Variants in UBE2B observed in about 807,000 individuals in gnomAD.
UBE2B encodes the protein ubiquitin conjugating enzyme E2 B.
In UBE2B, 11 loss-of-function variants were observed where a neutral mutation model predicts 24.6. The ratio of observed to expected loss-of-function variants is 0.45; its 90% CI spans 0.28 to 0.74. The LOEUF is 0.74. Among genes scored for constraint, UBE2B ranks in the 30% least tolerant of loss-of-function variants. The pLI is 0.13. For missense variants in UBE2B, 78 were observed against 185.6 expected (o/e 0.42, Z 3.37); for synonymous variants, 68 against 62.4 (o/e 1.09, Z -0.42).
chr5:134,374,008 G>A (rs1286581581), intron 1 of UBE2B, among the ~76,000 whole-genome samples: 1 of 152,158 alleles, frequency 6.6e-6, no homozygotes, highest in African/African-American at 2.4e-5. Context: ...CCAGTAATGG[G>A]ATGGCTGGGT....
At chr5:134,375,671 C>T (rs1336252771) in intron 2 of UBE2B, among the ~76,000 whole-genome samples, 1 of 151,668 alleles carries the variant, frequency 6.6e-6, no homozygotes, top group Non-Finnish European at 1.5e-5. Context: ...AGGTGGCGGG[C>T]GCCTGTAGTC....
At chr5:134,383,903 T>A (rs932620080) in intron 4 of UBE2B, among the ~76,000 whole-genome samples, 4 of 152,224 alleles carry the variant, frequency 2.6e-5, no homozygotes, top group Non-Finnish European at 5.9e-5. Context: ...AAGCTTTTAA[T>A]GTCATTTTCC....
Position 134,388,366 on chromosome 5 carries a change from C to T in UBE2B, c.283C>T (p.Arg95Ter). The change falls in exon 5 of 6, where the codon CGA becomes TGA. Residue 95 changes from arginine to a stop codon, truncating the protein, a stop_gained. Coordinates refer to ENST00000265339, the MANE Select transcript of UBE2B (RefSeq NM_003337.4). LOFTEE classifies it high-confidence loss of function. ...CATATGTTTAGATATCCTTCAGAAT[C>T]GATGGAGTCCAACATATGATGTATC... The part of the protein sequence containing the change: ...GSICLDILQN[R>*]WSPTYDVSSI... The T allele has an allele frequency of 1.2e-6, 2 of 1,614,038 alleles. No homozygotes were observed. The highest frequency in any genetic ancestry group is 1.7e-6 in the Non-Finnish European group (2 of 1,179,984).
intron 4 of UBE2B, among the ~76,000 whole-genome samples, chr5:134,381,886 G>C (rs1758715895): frequency 6.6e-6 from 1 of 152,182 alleles, no homozygotes; most frequent in Middle Eastern, 3.2e-3. Context: ...GGAGGTTGCA[G>C]TGAGCTGAGC....
chr5:134,376,352 T>TATATATATATATATATATATAC (rs1245225454), intron 2 of UBE2B, among the ~76,000 whole-genome samples: 14 of 63,242 alleles, frequency 2.2e-4, no homozygotes, highest in African/African-American at 8.0e-4. Context: ...AAAAAAAATA[T>TATATATATATATATATATATAC]ATATATATAT....
At chr5:134,388,608 A>C (rs775665987) in intron 5 of UBE2B, among the ~76,000 whole-genome samples, 195 bp downstream of exon 5, 7 of 152,204 alleles carry the variant, frequency 4.6e-5, no homozygotes, top group Non-Finnish European at 1.0e-4. Context: ...ATGTTCTCAC[A>C]GGTCAAACCT....
At chr5:134,371,751 C>CTCTG in intron 1 of UBE2B, 112 bp downstream of exon 1, 1 of 1,498,456 alleles carries the variant, frequency 6.7e-7, no homozygotes, top group Non-Finnish European at 9.2e-7. Context: ...GCTGTGGGCC[C>CTCTG]AGCGGGACTG....
Position 134,379,662 on chromosome 5 carries a change from AAAGG to A in UBE2B, c.152-1053_152-1050del, listed in dbSNP as rs1168044613. On this transcript the variant is annotated intron_variant, in intron 3 of 5. Transcript: ENST00000265339. The stretch of plus-strand genomic sequence containing the variant: ...CTGTCTCAACAAAAAAAAAAAAAAA[AAAGG>A]AAGAAAGAAAGAAAGTACTCCTTTT... Among the ~76,000 whole-genome samples, 49 of 151,566 alleles carry A rather than the reference AAAGG, an allele frequency of 3.2e-4. 1 individual carries two copies. Among genetic ancestry groups the A allele is most frequent in the African/African-American group, 8.7e-4 (36 of 41,216 alleles).
intron 3 of UBE2B, 38 bp downstream of exon 3, chr5:134,376,732 G>T: frequency 6.4e-7 from 1 of 1,569,578 alleles, no homozygotes. Flanking sequence ...AGTGTTATGA[G>T]GTTACTTTTT....
chr5:134,378,288 C>T (rs1431895750), intron 3 of UBE2B, among the ~76,000 whole-genome samples: 4 of 151,692 alleles, frequency 2.6e-5, no homozygotes, highest in Admixed American at 1.3e-4. Flanking sequence ...TGTTTTTTGT[C>T]TCGCTCTCTC....
At chr5:134,388,221 C>T in intron 4 of UBE2B, 104 bp from the exon 5 acceptor site, 1 of 916,732 alleles carries the variant, frequency 1.1e-6, no homozygotes, top group South Asian at 1.4e-5. Flanking sequence ...TTAGTTATTA[C>T]CTAATATTTA....
chr5:134,388,564 A>G (rs1237990377), intron 5 of UBE2B, 151 bp downstream of exon 5: 2 of 717,244 alleles, frequency 2.8e-6, no homozygotes, highest in Non-Finnish European at 5.0e-6. Context: ...CTTGGGATCC[A>G]GTCTGCAGTC....
Position 134,390,684 on chromosome 5 carries a change from G to T in UBE2B, c.*331G>T. On this transcript the variant is annotated 3_prime_UTR_variant, in exon 6 of 6. Transcript: ENST00000265339. The surrounding 1 kb of genome is among the most constrained non-coding windows in gnomAD (Gnocchi z 4.6). ...TTCAAATATTGAATGCCTTATTTTT[G>T]AATTCTTTAGATTTTTAAATTGGAG... 4.0e-6 allele frequency: 1 copy of T among 250,876 alleles called. No homozygotes were observed. The highest frequency in any genetic ancestry group is 7.9e-6 in the Non-Finnish European group (1 of 126,568). 15.5% of individuals were successfully genotyped at this position (250,876 alleles called of 1,614,324 possible). A position where few individuals can be genotyped will look rare whatever the true frequency, so the allele number is the denominator to read the frequency against.
intron 5 of UBE2B, 142 bp downstream of exon 5, chr5:134,388,555 T>C: frequency 1.3e-6 from 1 of 744,868 alleles, no homozygotes; most frequent in African/African-American, 1.7e-5. Context: ...TAGTGCCTAC[T>C]TGGGATCCAG....
chr5:134,376,364 T>TATATATATATACACAC (rs70976528), intron 2 of UBE2B, among the ~76,000 whole-genome samples: 1 of 79,504 alleles, frequency 1.3e-5, no homozygotes, highest in African/African-American at 5.2e-5. Flanking sequence ...TATATATATA[T>TATATATATATACACAC]ACACATATGT....
chr5:134,378,380 C>T lies in UBE2B; in HGVS notation c.151+1686C>T, dbSNP rs34998539. On this transcript the variant is annotated intron_variant, in intron 3 of 5. Transcript: ENST00000265339. ...GTTCAAGTGATTCTCGTGCCTCAGC[C>T]TTCCAAGTAGCTGGGATTACAGACA... Among the ~76,000 whole-genome samples the T allele has an allele frequency of 9.4e-3, 1,423 of 152,162 alleles. 12 individuals are homozygous for T. The highest frequency in any genetic ancestry group is 0.03 in the African/African-American group (1,260 of 41,506).
intron 1 of UBE2B, among the ~76,000 whole-genome samples, chr5:134,373,135 T>G (rs1427607465): frequency 6.6e-6 from 1 of 152,032 alleles, no homozygotes; most frequent in Non-Finnish European, 1.5e-5. Flanking sequence ...ATCTGAGAGG[T>G]GGATTTGGTG....
intron 4 of UBE2B, among the ~76,000 whole-genome samples, chr5:134,386,620 G>T (rs1758806348): frequency 6.8e-6 from 1 of 147,970 alleles, no homozygotes; most frequent in Non-Finnish European, 1.5e-5. Flanking sequence ...CAACAAGAGC[G>T]AAACTCCATC....
chr5:134,386,644 A>AT (rs1415396326), intron 4 of UBE2B, among the ~76,000 whole-genome samples: 1 of 151,984 alleles, frequency 6.6e-6, no homozygotes, highest in East Asian at 1.9e-4. Context: ...AAAAAAAAAA[A>AT]GGAAAAGAAA....
Sources: gnomAD v4.1 joint callset for allele counts (sites outside exome capture counted in the v4.1 genomes callset) on GRCh38, gnomAD v4.1.1 for gene constraint, Gnocchi (gnomAD v3.1) non-coding constraint, MANE v1.5 for transcripts, NCBI Gene and HGNC (gene_info 2026-07-23, HGNC 2026-07-21) for gene names.